The following TIAM1 variants were observed in gnomAD, a reference collection of about 807,000 sequenced individuals.
TIAM1 encodes TIAM Rac1 associated GEF 1.
Under a neutral mutation model 163.5 loss-of-function variants are expected in TIAM1, and 65 were observed. The observed-to-expected ratio is 0.40, with a 90% CI of 0.33 to 0.49. The LOEUF is 0.49. Among genes scored for constraint, TIAM1 ranks in the 20% least tolerant of loss-of-function variants. The pLI is 0.77. For synonymous variants in TIAM1, 833 were observed against 810.1 expected (o/e 1.03, Z -0.48); for missense variants, 1,789 against 2,044.7 (o/e 0.87, Z 2.41).
At chr21:31,126,479 A>G (rs954922587) in intron 26 of TIAM1, among the ~76,000 whole-genome samples, 2 of 152,132 alleles carry the variant, frequency 1.3e-5, no homozygotes, top group African/African-American at 2.4e-5. Context: ...AGGCAGCAGA[A>G]TGGCATGAAC....
At chr21:31,527,290 A>C (rs1055536716) in intron 1 of TIAM1, among the ~76,000 whole-genome samples, 1 of 152,126 alleles carries the variant, frequency 6.6e-6, no homozygotes, top group Non-Finnish European at 1.5e-5. Flanking sequence ...TTCTAAATAG[A>C]AAATTTTGGT....
chr21:31,438,272 A>G (rs534420991), intron 2 of TIAM1, among the ~76,000 whole-genome samples: 1 of 138,856 alleles, frequency 7.2e-6, no homozygotes, highest in Non-Finnish European at 1.5e-5. Context: ...GCCCACCACA[A>G]CCTCCACCTC....
chr21:31,388,212 A>AC (rs2076909312), intron 2 of TIAM1, among the ~76,000 whole-genome samples: 1 of 115,846 alleles, frequency 8.6e-6, no homozygotes, highest in African/African-American at 3.4e-5. Flanking sequence ...AGAAGACCCT[A>AC]ACACACACAC....
Position 31,118,617 on chromosome 21 carries a change from T to C in TIAM1, c.*1751A>G, listed in dbSNP as rs1254807562. 4.2e-6 allele frequency: 2 copies of C among 471,240 alleles called. No individual in the cohort carries two copies. Among genetic ancestry groups the C allele is most frequent in the South Asian group, 3.1e-5 (2 of 64,574 alleles). 29.2% of individuals were successfully genotyped at this position (471,240 alleles called of 1,614,324 possible). On this transcript the variant is annotated 3_prime_UTR_variant, in exon 28 of 28. Transcript: ENST00000541036. ...TTCCGAGTGTTTTCAGATGGATGTG[T>C]TGCACTGGAGCCAGTAAATGCGACG...
chr21:31,439,304 G>C (rs937100930), intron 2 of TIAM1, among the ~76,000 whole-genome samples: 4 of 152,156 alleles, frequency 2.6e-5, no homozygotes, highest in Admixed American at 2.6e-4. Flanking sequence ...TCGTCTGTTT[G>C]TTTGAGATGG....
intron 1 of TIAM1, among the ~76,000 whole-genome samples, chr21:31,492,861 G>C (rs1407735880): frequency 6.6e-6 from 1 of 151,090 alleles, no homozygotes; most frequent in Non-Finnish European, 1.5e-5. Context: ...TATATATACT[G>C]ATTCCAAAAG....
intron 2 of TIAM1, among the ~76,000 whole-genome samples, chr21:31,379,105 A>G (rs180972635): frequency 4.7e-4 from 72 of 152,210 alleles, no homozygotes; most frequent in African/African-American, 1.4e-3. Context: ...CCAAGTAGCT[A>G]AGATTACAGG....
chr21:31,377,114 A>G (rs913605101), intron 2 of TIAM1, among the ~76,000 whole-genome samples: 1 of 144,350 alleles, frequency 6.9e-6, no homozygotes, highest in African/African-American at 2.6e-5. Context: ...CCTGACCTCA[A>G]GTGATCTGCC....
intron 1 of TIAM1, among the ~76,000 whole-genome samples, chr21:31,531,600 G>A (rs530930768): frequency 1.3e-5 from 2 of 152,216 alleles, no homozygotes; most frequent in Non-Finnish European, 2.9e-5. Context: ...GAATGAGATG[G>A]TGAAAGAAAT....
chr21:31,153,170 T>A lies in TIAM1; in HGVS notation c.3172-36A>T, dbSNP rs2083457967. ...AAAAGAGAACTCATTAGCTTATGTG[T>A]TTTATTTTTTATATACCCTAGAACT... On this transcript the variant is annotated intron_variant, in intron 17 of 27. Transcript: ENST00000541036. 6 of 1,502,564 alleles carry A rather than the reference T, an allele frequency of 4.0e-6. 1 individual carries two copies. In the South Asian group the frequency reaches 7.1e-5, roughly 18 times the overall value. 93.1% of individuals were successfully genotyped at this position (1,502,564 alleles called of 1,614,324 possible). A position where few individuals can be genotyped will look rare whatever the true frequency, so the allele number is the denominator to read the frequency against.
At chr21:31,312,505 T>C (rs2074967761) in intron 2 of TIAM1, among the ~76,000 whole-genome samples, 1 of 152,166 alleles carries the variant, frequency 6.6e-6, no homozygotes, top group Admixed American at 6.5e-5. Flanking sequence ...AAGACCCTCC[T>C]TGTTCACAAA....
intron 4 of TIAM1, among the ~76,000 whole-genome samples, chr21:31,265,201 C>CTTT (rs781091105): frequency 9.8e-4 from 108 of 109,952 alleles, no homozygotes; most frequent in Non-Finnish European, 1.5e-3. Flanking sequence ...CTTTCAAAAT[C>CTTT]TTTTTTTTTT....
intron 2 of TIAM1, among the ~76,000 whole-genome samples, chr21:31,324,992 T>C (rs539843591): frequency 6.6e-6 from 1 of 152,100 alleles, no homozygotes; most frequent in Non-Finnish European, 1.5e-5. Context: ...GAAGTATTTT[T>C]TTACAGGCCA....
intron 6 of TIAM1, among the ~76,000 whole-genome samples, chr21:31,228,717 A>G (rs2088209878): frequency 1.3e-5 from 2 of 152,248 alleles, no homozygotes; most frequent in African/African-American, 4.8e-5. Context: ...ATTTATATAA[A>G]GTATTGTATT....
chr21:31,243,176 A>T (rs1383275377), intron 6 of TIAM1, among the ~76,000 whole-genome samples: 1 of 137,928 alleles, frequency 7.3e-6, no homozygotes, highest in Non-Finnish European at 1.5e-5. Flanking sequence ...TGGGCAACAA[A>T]AGCAAAACTT....
upstream of TIAM1, among the ~76,000 whole-genome samples, chr21:31,345,810 C>G (rs890856602): frequency 6.6e-6 from 1 of 152,044 alleles, no homozygotes; most frequent in Non-Finnish European, 1.5e-5. Flanking sequence ...ATTAGCCAGG[C>G]ACGGTGGTGT....
chr21:31,538,088 G>A (rs937983893), intron 1 of TIAM1, among the ~76,000 whole-genome samples: 2 of 152,180 alleles, frequency 1.3e-5, no homozygotes, highest in South Asian at 2.1e-4. Flanking sequence ...TGAAGGGGGC[G>A]CAACAGGAAA....
At chr21:31,422,721 C>A (rs927359847) in intron 2 of TIAM1, among the ~76,000 whole-genome samples, 3 of 152,328 alleles carry the variant, frequency 2.0e-5, no homozygotes, top group Admixed American at 2.0e-4. Flanking sequence ...ATGAGCACCT[C>A]TCATGAACAC....
chr21:31,505,080 G>GAC (rs1229249976), intron 1 of TIAM1, among the ~76,000 whole-genome samples: 2 of 152,086 alleles, frequency 1.3e-5, no homozygotes, highest in African/African-American at 4.8e-5. Flanking sequence ...AATGAGTGAG[G>GAC]ACCCCATGGG....
Sources: allele counts gnomAD v4.1 joint callset (sites outside exome capture counted in the v4.1 genomes callset), GRCh38; gene constraint gnomAD v4.1.1; transcripts MANE v1.5; gene names NCBI Gene and HGNC (gene_info 2026-07-23, HGNC 2026-07-21).